The following FREM2 variants were observed in gnomAD, a reference collection of about 807,000 sequenced individuals.
FREM2 encodes the protein FRAS1 related extracellular matrix 2, also known as FRAS1-related extracellular matrix protein 2.
FREM2 carries 119 observed loss-of-function variants against 219.9 expected under a neutral mutation model. The observed-to-expected ratio is 0.54, with a 90% CI of 0.47 to 0.63. The LOEUF is 0.63. Ranked by LOEUF, FREM2 falls within the 30% of genes least tolerant of loss-of-function variation. FREM2 has a pLI of 0.00. For synonymous variants in FREM2, 1,562 were observed against 1,522.8 expected (o/e 1.03, Z -0.60); for missense variants, 4,030 against 3,993.6 (o/e 1.01, Z -0.25).
rs143830391 is a variant in FREM2, at chr13:38,850,299, A to G, written c.6577+64A>G. ...AAGCCGAATTTTTACTCAGAAATAT[A>G]TATCAGGGAAATACAAGTTCCTCGA... On this transcript the variant is annotated intron_variant, in intron 9 of 23. Coordinates refer to ENST00000280481, the MANE Select transcript of FREM2 (RefSeq NM_207361.6). The G allele has an allele frequency of 9.6e-4, 1,250 of 1,305,762 alleles. 7 individuals are homozygous for G. The African/African-American group carries it at 0.014, about 15-fold the overall frequency. The allele number at this position is 1,305,762 out of a possible 1,614,324, so 80.9% of individuals were successfully genotyped here.
At position 38,688,499 on chromosome 13, in the gene FREM2, G is replaced by A. The variant is rs777999960; in HGVS notation, c.1155G>A (p.Gln385=). 6 of 1,614,022 alleles carry A rather than the reference G, an allele frequency of 3.7e-6. No homozygotes were observed. Among genetic ancestry groups the A allele is most frequent in the South Asian group, 1.1e-5 (1 of 91,080 alleles). The change falls in exon 1 of 24, where the codon CAG becomes CAA. Residue 385 remains glutamine (Q), a synonymous_variant. Transcript: ENST00000280481. ...DRSLPLSSFT[Q]RDLRLLKIAY... The stretch of plus-strand genomic sequence containing the variant: ...GCCTGCCCCTTTCCTCCTTCACTCA[G>A]AGGGATCTGCGGCTCCTGAAGATTG...
At chr13:38,834,466 A>G (rs1273911289) in intron 6 of FREM2, among the ~76,000 whole-genome samples, 2 of 152,216 alleles carry the variant, frequency 1.3e-5, no homozygotes, top group Non-Finnish European at 2.9e-5. Context: ...CTATATACCC[A>G]GTAATGGGAT....
At chr13:38,839,734 C>A (rs1876872866) in intron 6 of FREM2, among the ~76,000 whole-genome samples, 1 of 152,138 alleles carries the variant, frequency 6.6e-6, no homozygotes, top group African/African-American at 2.4e-5. Context: ...TTTGAGCTTC[C>A]TGGAGGCTTT....
chr13:38,692,206 C>T lies in FREM2; in HGVS notation c.4862C>T (p.Thr1621Ile). 1.2e-6 allele frequency: 2 copies of T among 1,614,120 alleles called. No individual in the cohort carries two copies. The highest frequency in any genetic ancestry group is 1.6e-4 in the Middle Eastern group (1 of 6,062). The change falls in exon 1 of 24, where the codon ACT becomes ATT. Residue 1621 changes from threonine to isoleucine, a missense_variant. Physicochemically the swap from Thr to Ile is moderately conservative, Grantham distance 89. Around this residue, in one of 2 missense-constraint regions of FREM2, gnomAD observed 3,102 missense variants for 2,950.7 expected, o/e 1.05. Coordinates refer to ENST00000280481, the MANE Select transcript of FREM2 (RefSeq NM_207361.6). Reference protein sequence around the residue: ...SSEDSFSFTVTDGTHTDFYVF... With the variant: ...SSEDSFSFTVIDGTHTDFYVF... The stretch of plus-strand genomic sequence containing the variant: ...GAAGATAGCTTCTCCTTCACAGTGA[C>T]TGATGGCACCCATACAGACTTCTAT...
chr13:38,763,338 G>A (rs1362671283), intron 2 of FREM2, among the ~76,000 whole-genome samples: 1 of 150,546 alleles, frequency 6.6e-6, no homozygotes, highest in East Asian at 1.9e-4. Flanking sequence ...TTTCCCTTGT[G>A]TAGATTTTTT....
chr13:38,884,916 C>T lies in FREM2; in HGVS notation c.*4129C>T, dbSNP rs1192964655. On this transcript the variant is annotated 3_prime_UTR_variant, in exon 24 of 24. Transcript: ENST00000280481. Reference sequence around the variant, plus strand: ...GAAAGCTCATTTGTGAAAACATACTCTCATGGGAGCTTCTTTAACATTAGT... The same window carrying T: ...GAAAGCTCATTTGTGAAAACATACTTTCATGGGAGCTTCTTTAACATTAGT... The T allele has an allele frequency of 6.6e-6, 1 of 152,176 alleles. No homozygotes were observed. The highest frequency in any genetic ancestry group is 1.5e-5 in the Non-Finnish European group (1 of 68,016). 9.4% of individuals were successfully genotyped at this position (152,176 alleles called of 1,614,324 possible).
intron 6 of FREM2, among the ~76,000 whole-genome samples, chr13:38,835,717 G>A (rs1470905993): frequency 6.6e-6 from 1 of 152,158 alleles, no homozygotes; most frequent in African/African-American, 2.4e-5. Flanking sequence ...GTTGCGAATG[G>A]GAGTTTGCTC....
intron 6 of FREM2, among the ~76,000 whole-genome samples, chr13:38,833,700 A>T (rs1161717313): frequency 6.6e-6 from 1 of 151,804 alleles, no homozygotes; most frequent in Non-Finnish European, 1.5e-5. Flanking sequence ...TTATTTATTT[A>T]TTTCAGTGTC....
intron 4 of FREM2, among the ~76,000 whole-genome samples, chr13:38,777,308 T>A (rs1873912329): frequency 1.3e-5 from 2 of 152,186 alleles, no homozygotes; most frequent in African/African-American, 4.8e-5. Flanking sequence ...GTTGCTCTTT[T>A]ATCATCTCAA....
chr13:38,859,175 C>T, intron 13 of FREM2, 112 bp from the exon 14 acceptor site: 1 of 994,080 alleles, frequency 1.0e-6, no homozygotes, highest in Non-Finnish European at 1.6e-6. Flanking sequence ...GTATAAACAG[C>T]ATGTGGAAAT....
chr13:38,776,857 T>C (rs933506959), intron 4 of FREM2, among the ~76,000 whole-genome samples: 3 of 151,684 alleles, frequency 2.0e-5, no homozygotes, highest in Non-Finnish European at 4.4e-5. Flanking sequence ...CACTTGAGAG[T>C]AACCATTGTT....
intron 18 of FREM2, among the ~76,000 whole-genome samples, chr13:38,875,072 A>G (rs1465904978): frequency 6.6e-6 from 1 of 152,082 alleles, no homozygotes; most frequent in East Asian, 1.9e-4. Flanking sequence ...TGGCTATGCA[A>G]TTTTACTAAC....
intron 16 of FREM2, among the ~76,000 whole-genome samples, chr13:38,868,730 G>A (rs1484805697): frequency 6.6e-6 from 1 of 152,186 alleles, no homozygotes; most frequent in African/African-American, 2.4e-5. Flanking sequence ...GATCAGTGTT[G>A]AATGCAAGCA....
Position 38,877,181 on chromosome 13 carries a change from GTC to G in FREM2, c.8613_8614del (p.Trp2872ValfsTer3). ...CAAATGTACCTGCTCTCTAAGAAGA[GTC>G]TCTGGTTGTCTGATGGATCCATGGG... is the stretch of plus-strand genomic sequence containing the variant. On this transcript the variant is annotated frameshift_variant, in exon 21 of 24. Transcript: ENST00000280481. LOFTEE classifies it high-confidence loss of function. 1 of 1,614,122 alleles carries G rather than the reference GTC, an allele frequency of 6.2e-7. No individual in the cohort carries two copies. The highest frequency in any genetic ancestry group is 8.5e-7 in the Non-Finnish European group (1 of 1,179,958).
At chr13:38,811,401 T>A (rs1209972796) in intron 6 of FREM2, among the ~76,000 whole-genome samples, 1 of 152,104 alleles carries the variant, frequency 6.6e-6, no homozygotes, top group Non-Finnish European at 1.5e-5. Context: ...AGGTTATTTA[T>A]TTGAAGTTTT....
At chr13:38,809,420 G>T (rs1194021953) in intron 6 of FREM2, among the ~76,000 whole-genome samples, 1 of 151,740 alleles carries the variant, frequency 6.6e-6, no homozygotes, top group Non-Finnish European at 1.5e-5. Context: ...GTCCTGGAGA[G>T]TTTCCACAAA....
Position 38,689,793 on chromosome 13 carries a change from A to G in FREM2, c.2449A>G (p.Thr817Ala), listed in dbSNP as rs1566104096. Residue 817 changes from threonine (T) to alanine (A), a missense_variant, in exon 1 of 24, where the codon ACC becomes GCC. By Grantham distance (58) the Thr-to-Ala change is moderately conservative. This residue lies in a region of FREM2 where 3,102 missense variants were observed against 2,950.7 expected (regional missense o/e 1.05). Coordinates refer to ENST00000280481, the MANE Select transcript of FREM2 (RefSeq NM_207361.6). ...CCGAGCTGGGAATGTGGCTCCAGGT[A>G]CCTTTACCCTTTACTTGCATCCCGT... ...EDRAGNVAPG[T>A]FTLYLHPVDN... The G allele has an allele frequency of 6.2e-7, 1 of 1,613,852 alleles. No individual in the cohort carries two copies. The highest frequency in any genetic ancestry group is 1.1e-5 in the South Asian group (1 of 91,034).
chr13:38,819,191 A>G (rs889928620), intron 6 of FREM2, among the ~76,000 whole-genome samples: 26 of 152,126 alleles, frequency 1.7e-4, no homozygotes, highest in Admixed American at 1.6e-3. Flanking sequence ...CCTGGCTGCT[A>G]TGCTGCTGTG....
Position 38,691,211 on chromosome 13 carries a change from A to G in FREM2, c.3867A>G (p.Glu1289=). ...IKLTDGKHSV[E]KTVLIIVIPV... Reference sequence around the variant, plus strand: ...TAACAGATGGGAAGCACTCTGTGGAAAAGACGGTCCTCATTATAGTTATCC... The same window carrying G: ...TAACAGATGGGAAGCACTCTGTGGAGAAGACGGTCCTCATTATAGTTATCC... The change falls in exon 1 of 24, where the codon GAA becomes GAG. Residue 1289 remains glutamate (E), a synonymous_variant. Coordinates refer to ENST00000280481, the MANE Select transcript of FREM2 (RefSeq NM_207361.6). 2 of 1,614,078 alleles carry G rather than the reference A, an allele frequency of 1.2e-6. No homozygotes were observed. Among genetic ancestry groups the G allele is most frequent in the Non-Finnish European group, 1.7e-6 (2 of 1,179,982 alleles).
Sources: allele counts gnomAD v4.1 joint callset (sites outside exome capture counted in the v4.1 genomes callset), GRCh38; gene constraint gnomAD v4.1.1; regional missense constraint gnomAD v4.1.1; transcripts MANE v1.5; gene names NCBI Gene and HGNC (gene_info 2026-07-23, HGNC 2026-07-21).